Variants in FCHO2 observed in about 807,000 individuals in gnomAD.
FCHO2 encodes the protein FCH and mu domain containing endocytic adaptor 2.
Under a neutral mutation model 114.1 loss-of-function variants are expected in FCHO2, and 43 were observed. That is an observed-to-expected ratio of 0.38 (90% CI 0.30 to 0.49). The LOEUF (loss-of-function observed/expected upper bound fraction) is 0.49, where lower values mean the gene tolerates loss of function less well. FCHO2 is among the 20% of genes least tolerant of loss of function. The pLI is 0.97. For missense variants in FCHO2, 807 were observed against 950.4 expected (o/e 0.85, Z 1.98); for synonymous variants, 293 against 315.2 (o/e 0.93, Z 0.75).
chr5:73,080,495 A>T (rs1743059179), intron 22 of FCHO2, among the ~76,000 whole-genome samples: 1 of 152,204 alleles, frequency 6.6e-6, no homozygotes, highest in Non-Finnish European at 1.5e-5. Context: ...GTACATACAC[A>T]TCAGCAGAGG....
intron 11 of FCHO2, among the ~76,000 whole-genome samples, chr5:73,046,516 C>T (rs1757067965): frequency 6.6e-6 from 1 of 152,070 alleles, no homozygotes; most frequent in Non-Finnish European, 1.5e-5. Flanking sequence ...GTATTCTAAA[C>T]AAATTTAAAG....
chr5:73,073,068 C>CAT (rs1742736107), intron 19 of FCHO2, among the ~76,000 whole-genome samples: 1 of 151,980 alleles, frequency 6.6e-6, no homozygotes, highest in African/African-American at 2.4e-5. Context: ...AGTGTACAAA[C>CAT]ATATATTTTT....
chr5:73,062,080 A>G (rs1757881450), intron 17 of FCHO2, among the ~76,000 whole-genome samples: 1 of 152,000 alleles, frequency 6.6e-6, no homozygotes, highest in African/African-American at 2.4e-5. Flanking sequence ...TTCACAGGTC[A>G]ATTTATATTT....
intron 22 of FCHO2, among the ~76,000 whole-genome samples, chr5:73,079,255 G>A (rs1397234455): frequency 1.3e-5 from 2 of 152,010 alleles, no homozygotes; most frequent in African/African-American, 2.4e-5. Context: ...ACAAACCACC[G>A]CTCCTGGCAA....
At chr5:72,975,441 C>A (rs1373839503) in intron 2 of FCHO2, among the ~76,000 whole-genome samples, 3 of 152,126 alleles carry the variant, frequency 2.0e-5, no homozygotes, top group Non-Finnish European at 4.4e-5. Flanking sequence ...ATTCTTGTGC[C>A]TCAGCCTCCC....
intron 10 of FCHO2, 47 bp from the exon 11 acceptor site, chr5:73,041,244 G>A: frequency 1.6e-6 from 2 of 1,258,574 alleles, no homozygotes; most frequent in Non-Finnish European, 2.3e-6. Context: ...AGCATAATTA[G>A]CAGACAATTC....
At chr5:73,020,615 G>T in intron 8 of FCHO2, 2 of 737,260 alleles carry the variant, frequency 2.7e-6, no homozygotes, top group Non-Finnish European at 4.9e-6. Flanking sequence ...ATGATGGGTT[G>T]GAGGTGGGGT....
chr5:73,033,977 A>G (rs546358076), intron 8 of FCHO2, among the ~76,000 whole-genome samples: 10 of 152,260 alleles, frequency 6.6e-5, no homozygotes, highest in Non-Finnish European at 1.3e-4. Flanking sequence ...GTCCTTGAAG[A>G]TCTCTTTGTG....
chr5:73,035,898 C>G (rs1368534396), intron 9 of FCHO2, among the ~76,000 whole-genome samples: 2 of 152,066 alleles, frequency 1.3e-5, no homozygotes, highest in African/African-American at 4.8e-5. Flanking sequence ...GGCTGGAGTG[C>G]ACTGGCGTGA....
At chr5:72,989,599 A>G in intron 3 of FCHO2, 98 bp downstream of exon 3, 1 of 750,680 alleles carries the variant, frequency 1.3e-6, no homozygotes, top group Non-Finnish European at 2.1e-6. Context: ...AAGCATAGTA[A>G]AATATATGCT....
At chr5:73,055,931 G>A (rs925412802) in intron 15 of FCHO2, 134 bp from the exon 16 acceptor site, 4 of 576,500 alleles carry the variant, frequency 6.9e-6, no homozygotes, top group Non-Finnish European at 1.2e-5. Context: ...TTAAAATATT[G>A]TTTGTATTTA....
intron 2 of FCHO2, among the ~76,000 whole-genome samples, chr5:72,986,721 T>G (rs1329666475): frequency 6.6e-6 from 1 of 152,188 alleles, no homozygotes; most frequent in East Asian, 1.9e-4. Context: ...TAGGATTTTT[T>G]TCAGATTTTG....
At chr5:72,998,879 C>A (rs1339631642) in intron 5 of FCHO2, among the ~76,000 whole-genome samples, 5 of 149,904 alleles carry the variant, frequency 3.3e-5, no homozygotes, top group African/African-American at 1.2e-4. Flanking sequence ...GGCTGGAGTG[C>A]AGTGGTGGTA....
At chr5:73,066,222 T>G (rs1742316968) in intron 18 of FCHO2, among the ~76,000 whole-genome samples, 1 of 152,018 alleles carries the variant, frequency 6.6e-6, no homozygotes, top group Non-Finnish European at 1.5e-5. Context: ...CTCCCCATCC[T>G]TGAGAGCCTT....
intron 5 of FCHO2, among the ~76,000 whole-genome samples, chr5:73,005,996 C>G (rs540570520): frequency 1.3e-5 from 2 of 152,094 alleles, no homozygotes; most frequent in East Asian, 3.9e-4. Flanking sequence ...TTTAATCAGA[C>G]ATTGAATGAA....
At chr5:72,968,330 G>A (rs1752317715) in intron 1 of FCHO2, among the ~76,000 whole-genome samples, 168 bp from the exon 2 acceptor site, 1 of 152,126 alleles carries the variant, frequency 6.6e-6, no homozygotes, top group Admixed American at 6.5e-5. Flanking sequence ...CTTTATTAAA[G>A]CATATAATAT....
chr5:73,009,769 T>C (rs1005604552), intron 6 of FCHO2, among the ~76,000 whole-genome samples: 5 of 152,222 alleles, frequency 3.3e-5, no homozygotes, highest in Non-Finnish European at 7.3e-5. Context: ...ACTCTTGGGC[T>C]CAAGTGATCT....
rs1224897857 is a variant in FCHO2, at chr5:73,041,162, G to C, written c.915-129G>C. On this transcript the variant is annotated intron_variant, in intron 10 of 25. Transcript: ENST00000430046. ...TGGTATGTTTTAATCTTCATGGTTT[G>C]ATTTCTCTGAATATTTTTTGTAGAG... is the stretch of plus-strand genomic sequence containing the variant. 7.9e-6 allele frequency: 5 copies of C among 635,482 alleles called. No homozygotes were observed. The Admixed American group carries it at 1.3e-4, about 17-fold the overall frequency. The allele number at this position is 635,482 out of a possible 1,614,324, so 39.4% of individuals were successfully genotyped here. A position where few individuals can be genotyped will look rare whatever the true frequency, so the allele number is the denominator to read the frequency against.
chr5:73,058,709 A>G (rs1757714741), intron 17 of FCHO2, among the ~76,000 whole-genome samples, 185 bp downstream of exon 17: 2 of 152,130 alleles, frequency 1.3e-5, no homozygotes, highest in Admixed American at 1.3e-4. Context: ...TTAAACAATA[A>G]AAATTGGTAA....
Sources: gnomAD v4.1 joint callset for allele counts (sites outside exome capture counted in the v4.1 genomes callset) on GRCh38, gnomAD v4.1.1 for gene constraint, MANE v1.5 for transcripts, NCBI Gene and HGNC (gene_info 2026-07-23, HGNC 2026-07-21) for gene names.